Variants in RIPK4 observed in about 807,000 individuals in gnomAD.
RIPK4 encodes receptor interacting serine/threonine kinase 4.
A neutral mutation model predicts 42.9 loss-of-function variants in RIPK4; 17 were observed. That is an observed-to-expected ratio of 0.40 (90% CI 0.27 to 0.59). RIPK4 has a LOEUF of 0.59. Among genes scored for constraint, RIPK4 ranks in the 20% least tolerant of loss-of-function variants. The probability of loss-of-function intolerance (pLI) is 0.47; values close to 1 mark genes in which losing one functional copy is unlikely to be tolerated. For missense variants in RIPK4, 897 were observed against 1,104.4 expected (o/e 0.81, Z 2.66); for synonymous variants, 498 against 499.1 (o/e 1.00, Z 0.03).
chr21:41,758,021 A>AAAATATATAT (rs1555910478), intron 1 of RIPK4, among the ~76,000 whole-genome samples: 3 of 51,364 alleles, frequency 5.8e-5, no homozygotes, highest in South Asian at 8.8e-4. Context: ...AAAAAAAAAA[A>AAAATATATAT]ATATATATAT....
intron 1 of RIPK4, among the ~76,000 whole-genome samples, chr21:41,757,909 G>A (rs7277025): frequency 0.014 from 2,056 of 141,910 alleles, 43 homozygotes; most frequent in African/African-American, 0.051. Context: ...TGAAACAGGA[G>A]AATCACTTGA....
At position 41,741,321 on chromosome 21, in the gene RIPK4, G is replaced by C. The variant is rs549988231; in HGVS notation, c.1872C>G (p.Ile624Met). ...RGHYRVARILIDLCSDVNVCS... is the reference protein window; with the variant it reads ...RGHYRVARILMDLCSDVNVCS... ...AGACGTTGACGTCGGAGCACAGGTCGATGAGGATGCGGGCCACGCGGTAGT... is the reference window on the plus strand; with the variant it reads ...AGACGTTGACGTCGGAGCACAGGTCCATGAGGATGCGGGCCACGCGGTAGT... The change falls in exon 8 of 8, where the codon ATC becomes ATG. Residue 624 changes from isoleucine (I) to methionine (M), a missense_variant. Coordinates refer to ENST00000332512, the MANE Select transcript of RIPK4 (RefSeq NM_020639.3). 6.2e-7 allele frequency: 1 copy of C among 1,609,058 alleles called. No individual in the cohort carries two copies. Among genetic ancestry groups the C allele is most frequent in the South Asian group, 1.1e-5 (1 of 91,030 alleles).
rs1241312871 is a variant in RIPK4 at position 41,742,193 on chromosome 21, G to A, written c.1196-196C>T. Among the ~76,000 whole-genome samples the A allele has an allele frequency of 6.6e-6, 1 of 152,204 alleles. No homozygotes were observed. The highest frequency in any genetic ancestry group is 1.9e-4 in the East Asian group (1 of 5,184). On this transcript the variant is annotated intron_variant, in intron 7 of 7. Transcript: ENST00000332512. This position sits in a 1 kb window ranked among gnomAD's most constrained non-coding sequence, Gnocchi z 5.1. ...CCTAGCGGGAGCCCCGGGGCAGGCTGGCGAATGTCTCCCAGGTGCTCGTTA... is the reference window on the plus strand; with the variant it reads ...CCTAGCGGGAGCCCCGGGGCAGGCTAGCGAATGTCTCCCAGGTGCTCGTTA...
Position 41,742,058 on chromosome 21 carries a change from CT to C in RIPK4, c.1196-62del. On this transcript the variant is annotated intron_variant, in intron 7 of 7. Transcript: ENST00000332512. The surrounding 1 kb of genome is among the most constrained non-coding windows in gnomAD (Gnocchi z 5.1). ...CTGCACATCCAGGGACGTGGCGTCT[CT>C]GGGAGCCTGGCTGTGGCGCTCAGGT... The C allele has an allele frequency of 6.9e-7, 1 of 1,446,236 alleles. No homozygotes were observed. The allele number at this position is 1,446,236 out of a possible 1,614,324, so 89.6% of individuals were successfully genotyped here.
At position 41,742,025 on chromosome 21, in the gene RIPK4, G is replaced by A. The variant is rs1715297430; in HGVS notation, c.1196-28C>T. ...GCAGGGAGAGGAGAGGCAAAGGTCA[G>A]AGCGTGGCTGCACATCCAGGGACGT... On this transcript the variant is annotated intron_variant, in intron 7 of 7. Transcript: ENST00000332512. The surrounding 1 kb of genome is among the most constrained non-coding windows in gnomAD (Gnocchi z 5.1). 4 of 1,543,542 alleles carry A rather than the reference G, an allele frequency of 2.6e-6. No homozygotes were observed. Among genetic ancestry groups the A allele is most frequent in the South Asian group, 1.3e-5 (1 of 79,368 alleles).
At position 41,767,051 on chromosome 21, in the gene RIPK4, C is replaced by A. The variant is rs1260167195; in HGVS notation, c.-10G>T. The stretch of plus-strand genomic sequence containing the variant: ...CGCCGTCGCCCTCCATCGCGCACGT[C>A]TAGCCAGCGCCGCGGCGGCTGCCCA... On this transcript the variant is annotated 5_prime_UTR_variant, in exon 1 of 8. Transcript: ENST00000332512. This position sits in a 1 kb window ranked among gnomAD's most constrained non-coding sequence, Gnocchi z 4.0. 1 of 1,524,770 alleles carries A rather than the reference C, an allele frequency of 6.6e-7. No individual in the cohort carries two copies. The highest frequency in any genetic ancestry group is 1.2e-5 in the South Asian group (1 of 80,776). The allele number at this position is 1,524,770 out of a possible 1,614,324, so 94.5% of individuals were successfully genotyped here. A position where few individuals can be genotyped will look rare whatever the true frequency, so the allele number is the denominator to read the frequency against.
At chr21:41,764,208 G>A (rs1045561012) in intron 1 of RIPK4, among the ~76,000 whole-genome samples, 4 of 152,188 alleles carry the variant, frequency 2.6e-5, no homozygotes, top group East Asian at 1.9e-4. Context: ...ATGGCCTGGC[G>A]CAGCCTGCTC....
chr21:41,748,795 C>T (rs1039040800), intron 4 of RIPK4, among the ~76,000 whole-genome samples: 1 of 152,334 alleles, frequency 6.6e-6, no homozygotes, highest in Non-Finnish European at 1.5e-5. Context: ...GCAGAATGGC[C>T]ATGGGCTTTG....
intron 6 of RIPK4, 30 bp downstream of exon 6, chr21:41,745,729 C>T (rs540850130): frequency 6.4e-7 from 1 of 1,564,276 alleles, no homozygotes; most frequent in Non-Finnish European, 8.8e-7. Context: ...GCCGAGGAGA[C>T]AAAAGACCCC....
At chr21:41,745,981 G>A in intron 5 of RIPK4, 119 bp from the exon 6 acceptor site, 2 of 879,142 alleles carry the variant, frequency 2.3e-6, no homozygotes, top group East Asian at 2.4e-5. Context: ...GGCCCAGCCT[G>A]AGCTCACCAG....
Position 41,745,754 on chromosome 21 carries a change from G to C in RIPK4, c.936+5C>G. Reference sequence around the variant, plus strand: ...CAAAAGACCCCTGTGGGAAGGACTCGTTACCTCGCTCCTGGGCTCCGGGGG... The same window carrying C: ...CAAAAGACCCCTGTGGGAAGGACTCCTTACCTCGCTCCTGGGCTCCGGGGG... On this transcript the variant is annotated splice_donor_5th_base_variant and intron_variant, in intron 6 of 7. Transcript: ENST00000332512. 6.2e-7 allele frequency: 1 copy of C among 1,612,072 alleles called. No individual in the cohort carries two copies. The highest frequency in any genetic ancestry group is 8.5e-7 in the Non-Finnish European group (1 of 1,178,246).
chr21:41,741,699 G>A lies in RIPK4; in HGVS notation c.1494C>T (p.Asn498=), dbSNP rs754260527. 67 of 1,613,528 alleles carry A rather than the reference G, an allele frequency of 4.2e-5. No homozygotes were observed. The highest frequency in any genetic ancestry group is 6.7e-5 in the East Asian group (3 of 44,882). Residue 498 remains asparagine (N), a synonymous_variant, in exon 8 of 8, where the codon AAC becomes AAT. Coordinates refer to ENST00000332512, the MANE Select transcript of RIPK4 (RefSeq NM_020639.3). ...ELLLARKISV[N]AKDEDQWTAL... Reference sequence around the variant, plus strand: ...CTGTCCACTGGTCCTCATCCTTGGCGTTGACACTGATCTTCCGCGCCAGCA... The same window carrying A: ...CTGTCCACTGGTCCTCATCCTTGGCATTGACACTGATCTTCCGCGCCAGCA...
chr21:41,763,217 C>T lies in RIPK4; in HGVS notation c.182+3643G>A, dbSNP rs188392754. On this transcript the variant is annotated intron_variant, in intron 1 of 7. Transcript: ENST00000332512. Reference sequence around the variant, plus strand: ...AACTTTTTAAAGATACGGTGAGTAGCACTTAGATGAATTCGGTTTTCTCCT... The same window carrying T: ...AACTTTTTAAAGATACGGTGAGTAGTACTTAGATGAATTCGGTTTTCTCCT... Among the ~76,000 whole-genome samples the T allele has an allele frequency of 3.5e-3, 534 of 152,290 alleles. 3 individuals carry two copies. Among genetic ancestry groups the T allele is most frequent in the Non-Finnish European group, 5.7e-3 (386 of 68,040 alleles).
rs893659257 is a variant in RIPK4, at chr21:41,755,465, C to T, written c.474+1060G>A. 2.6e-5 allele frequency among the ~76,000 whole-genome samples: 4 copies of T among 152,224 alleles called. No homozygotes were observed. The highest frequency in any genetic ancestry group is 9.6e-5 in the African/African-American group (4 of 41,462). On this transcript the variant is annotated intron_variant, in intron 2 of 7. Coordinates refer to ENST00000332512, the MANE Select transcript of RIPK4 (RefSeq NM_020639.3). The surrounding 1 kb of genome is among the most constrained non-coding windows in gnomAD (Gnocchi z 4.2). Reference sequence around the variant, plus strand: ...CGTGCGCATGCCATACGAGCCACCGCTCCCGTCCCACCCAAGAGCTCAGGG... The same window carrying T: ...CGTGCGCATGCCATACGAGCCACCGTTCCCGTCCCACCCAAGAGCTCAGGG...
At chr21:41,748,911 T>C (rs1358344588) in intron 4 of RIPK4, among the ~76,000 whole-genome samples, 1 of 152,206 alleles carries the variant, frequency 6.6e-6, no homozygotes, top group African/African-American at 2.4e-5. Flanking sequence ...ATGGCTAACA[T>C]GACCAATTTT....
rs1285422997 is a variant in RIPK4 at position 41,742,540 on chromosome 21, G to A, written c.1196-543C>T. ...TTTCTATGATAATCCTGAAGGGACC[G>A]AGCTTCTCGTTTCAGGAGGACGTTA... On this transcript the variant is annotated intron_variant, in intron 7 of 7. Transcript: ENST00000332512. This position sits in a 1 kb window ranked among gnomAD's most constrained non-coding sequence, Gnocchi z 5.1. Among the ~76,000 whole-genome samples the A allele has an allele frequency of 1.3e-5, 2 of 152,178 alleles. No homozygotes were observed. Among genetic ancestry groups the A allele is most frequent in the South Asian group, 2.1e-4 (1 of 4,820 alleles).
At chr21:41,756,954 T>C in intron 1 of RIPK4, 138 bp from the exon 2 acceptor site, 1 of 842,366 alleles carries the variant, frequency 1.2e-6, no homozygotes, top group Non-Finnish European at 1.8e-6. Context: ...CACACTTCAA[T>C]GTCACATCAC....
chr21:41,743,657 G>C (rs138586283), intron 7 of RIPK4, among the ~76,000 whole-genome samples: 1 of 152,350 alleles, frequency 6.6e-6, no homozygotes, highest in Non-Finnish European at 1.5e-5. Flanking sequence ...CAAGACTGCT[G>C]CACAGACTGG....
At chr21:41,757,292 G>A (rs977685339) in intron 1 of RIPK4, among the ~76,000 whole-genome samples, 3 of 151,758 alleles carry the variant, frequency 2.0e-5, no homozygotes, top group Non-Finnish European at 2.9e-5. Context: ...AGGCCAAGGC[G>A]GATGGATCAC....
Sources: gnomAD v4.1 joint callset for allele counts (sites outside exome capture counted in the v4.1 genomes callset) on GRCh38, gnomAD v4.1.1 for gene constraint, Gnocchi (gnomAD v3.1) non-coding constraint, MANE v1.5 for transcripts, NCBI Gene and HGNC (gene_info 2026-07-23, HGNC 2026-07-21) for gene names.